Variants in SH2D3C observed in about 807,000 individuals in gnomAD.
SH2D3C encodes SH2 domain-containing protein 3C.
In SH2D3C, 25 loss-of-function variants were observed where a neutral mutation model predicts 75.2. The ratio of observed to expected loss-of-function variants is 0.33; its 90% CI spans 0.24 to 0.46. SH2D3C has a LOEUF of 0.46. SH2D3C is among the 20% of genes least tolerant of loss of function. The pLI is 1.00. For missense variants in SH2D3C, 933 were observed against 1,165.3 expected (o/e 0.80, Z 2.90); for synonymous variants, 450 against 473.7 (o/e 0.95, Z 0.65).
At chr9:127,766,123 C>T (rs548851767) in intron 2 of SH2D3C, among the ~76,000 whole-genome samples, 1 of 152,354 alleles carries the variant, frequency 6.6e-6, no homozygotes, top group South Asian at 2.1e-4. Flanking sequence ...TGACGTTCCC[C>T]CAGGGGCCCT....
In SH2D3C at chr9:127,749,366, G is replaced by C; in HGVS notation, c.984C>G (p.Leu328=). Residue 328 remains leucine, a synonymous_variant, in exon 5 of 12, where the codon CTC becomes CTG. Coordinates refer to ENST00000314830, the MANE Select transcript of SH2D3C (RefSeq NM_170600.3). The surrounding 1 kb of genome is among the most constrained non-coding windows in gnomAD (Gnocchi z 5.9). ...CCTGTCCCAGGCCATAGCTGGCCTC[G>C]AGGTAGCGCAGTGGGAAGGTGCGGT... The part of the protein sequence containing the change: ...PVNRTFPLRY[L]EASYGLGQGS... 4 of 1,613,842 alleles carry C rather than the reference G, an allele frequency of 2.5e-6. No homozygotes were observed. The highest frequency in any genetic ancestry group is 2.2e-5 in the South Asian group (2 of 91,082).
intron 2 of SH2D3C, among the ~76,000 whole-genome samples, chr9:127,765,112 G>A (rs189580934): frequency 2.4e-3 from 371 of 151,908 alleles, no homozygotes; most frequent in Admixed American, 3.9e-3. Context: ...TGGCTGGAGC[G>A]ATCCTCCCGT....
At chr9:127,743,452 G>A (rs34373988) in intron 7 of SH2D3C, among the ~76,000 whole-genome samples, 1 of 152,150 alleles carries the variant, frequency 6.6e-6, no homozygotes, top group Non-Finnish European at 1.5e-5. Flanking sequence ...GCAGTGAGCC[G>A]ATATCACGCC....
At chr9:127,764,524 A>G (rs1056849485) in intron 2 of SH2D3C, among the ~76,000 whole-genome samples, 1 of 152,146 alleles carries the variant, frequency 6.6e-6, no homozygotes, top group Non-Finnish European at 1.5e-5. Flanking sequence ...ACTCACAGTA[A>G]GAGCCAAGGT....
chr9:127,740,885 G>A (rs1419608789), intron 9 of SH2D3C, among the ~76,000 whole-genome samples: 2 of 152,178 alleles, frequency 1.3e-5, no homozygotes, highest in Non-Finnish European at 1.5e-5. Context: ...GTTTCACCAT[G>A]TTGGCCAAGA....
In SH2D3C at chr9:127,776,875, C is replaced by G. The variant is rs114604871; in HGVS notation, c.37+1716G>C. On this transcript the variant is annotated intron_variant, in intron 1 of 11. Transcript: ENST00000314830. The stretch of plus-strand genomic sequence containing the variant: ...TGCCTTGGTCTCCTGAGAAACGTGT[C>G]GGCAAATGTGGCCGCTCTGCTGCAT... 3.3e-3 allele frequency among the ~76,000 whole-genome samples: 497 copies of G among 152,246 alleles called. 4 individuals are homozygous for G. Among genetic ancestry groups the G allele is most frequent in the African/African-American group, 0.012 (481 of 41,556 alleles).
intron 3 of SH2D3C, among the ~76,000 whole-genome samples, chr9:127,758,177 T>A (rs1389109245): frequency 6.6e-6 from 1 of 152,084 alleles, no homozygotes; most frequent in Non-Finnish European, 1.5e-5. Context: ...TCTTGCTATG[T>A]TGCCCAGGCT....
chr9:127,755,286 T>C (rs1845345486), intron 3 of SH2D3C: 20 of 1,102,872 alleles, frequency 1.8e-5, no homozygotes, highest in Non-Finnish European at 2.2e-5. Context: ...CCTCATCGCC[T>C]TGTCGGGGGA....
At chr9:127,742,572 C>T (rs1377878656) in intron 8 of SH2D3C, 1 of 367,722 alleles carries the variant, frequency 2.7e-6, no homozygotes, top group African/African-American at 2.1e-5. Flanking sequence ...AAGGAGGAGC[C>T]CCAGCTGATG....
Position 127,749,176 on chromosome 9 carries a change from C to G in SH2D3C, c.1139+35G>C, listed in dbSNP as rs771746208. ...CTTTCTCACTAGCCCTCTCATTACC[C>G]ACAACCCCATTTGACAAATGGGGCC... On this transcript the variant is annotated intron_variant, in intron 5 of 11. Coordinates refer to ENST00000314830, the MANE Select transcript of SH2D3C (RefSeq NM_170600.3). The surrounding 1 kb of genome is among the most constrained non-coding windows in gnomAD (Gnocchi z 5.9). The G allele has an allele frequency of 6.8e-7, 1 of 1,473,606 alleles. No individual in the cohort carries two copies. The highest frequency in any genetic ancestry group is 1.4e-5 in the African/African-American group (1 of 71,516). 91.3% of individuals were successfully genotyped at this position (1,473,606 alleles called of 1,614,324 possible).
In SH2D3C at chr9:127,741,908, G is replaced by T; in HGVS notation, c.1968C>A (p.Gly656=). 1.9e-6 allele frequency: 3 copies of T among 1,613,080 alleles called. No homozygotes were observed. Among genetic ancestry groups the T allele is most frequent in the Non-Finnish European group, 1.7e-6 (2 of 1,179,964 alleles). Reference sequence around the variant, plus strand: ...GCAGCGCTGCCCGCTCCTCCGCAGAGCCGGTGCAGCCCAGGATGTCCACGG... The same window carrying T: ...GCAGCGCTGCCCGCTCCTCCGCAGATCCGGTGCAGCCCAGGATGTCCACGG... ...MLAVDILGCT[G]SAEERAALLH... Residue 656 remains glycine (G), a synonymous_variant, in exon 9 of 12, where the codon GGC becomes GGA. Coordinates refer to ENST00000314830, the MANE Select transcript of SH2D3C (RefSeq NM_170600.3).
chr9:127,773,459 C>G (rs564972800), intron 2 of SH2D3C, among the ~76,000 whole-genome samples: 1 of 152,230 alleles, frequency 6.6e-6, no homozygotes, highest in South Asian at 2.1e-4. Context: ...AATATGCACC[C>G]TGACTGAGGC....
chr9:127,767,315 G>A (rs1345289962), intron 2 of SH2D3C: 2 of 1,432,556 alleles, frequency 1.4e-6, no homozygotes, highest in African/African-American at 2.9e-5. Flanking sequence ...CTGAGTGCTA[G>A]TGGATGAGGG....
intron 8 of SH2D3C, 107 bp downstream of exon 8, chr9:127,742,742 C>T: frequency 1.3e-6 from 1 of 741,620 alleles, no homozygotes; most frequent in Non-Finnish European, 2.2e-6. Context: ...TGGCCAGAGC[C>T]CCCTGGGAGC....
chr9:127,772,024 A>G (rs1165109905), intron 2 of SH2D3C, among the ~76,000 whole-genome samples: 3 of 152,184 alleles, frequency 2.0e-5, no homozygotes, highest in Non-Finnish European at 2.9e-5. Flanking sequence ...AGATTTGTCC[A>G]GTCATGCAGC....
At chr9:127,768,596 C>T (rs1319736962) in intron 2 of SH2D3C, among the ~76,000 whole-genome samples, 1 of 152,180 alleles carries the variant, frequency 6.6e-6, no homozygotes, top group Non-Finnish European at 1.5e-5. Flanking sequence ...AAAAAAACAT[C>T]AAACACAGAA....
chr9:127,749,516 G>A lies in SH2D3C; in HGVS notation c.834C>T (p.Tyr278=). ...NKVVVKAGES[Y]THIQYLFEQE... ...GCTCAAACAGGTACTGGATGTGTGTGTAGCTCTCGCCTGCCTTCACCACCA... is the reference window on the plus strand; with the variant it reads ...GCTCAAACAGGTACTGGATGTGTGTATAGCTCTCGCCTGCCTTCACCACCA... Residue 278 remains tyrosine, a synonymous_variant, in exon 5 of 12, where the codon TAC becomes TAT. Coordinates refer to ENST00000314830, the MANE Select transcript of SH2D3C (RefSeq NM_170600.3). The surrounding 1 kb of genome is among the most constrained non-coding windows in gnomAD (Gnocchi z 5.9). The A allele has an allele frequency of 6.2e-7, 1 of 1,614,158 alleles. No homozygotes were observed.
In SH2D3C at chr9:127,751,341, CT is replaced by C. The variant is rs1390078565; in HGVS notation, c.556-42del. ...CAAGAGTTGGCATCCAACTTAAAGTCTCCTTCTTCTTTCCCTCCCAACTTCA... is the reference window on the plus strand; with the variant it reads ...CAAGAGTTGGCATCCAACTTAAAGTCCCTTCTTCTTTCCCTCCCAACTTCA... On this transcript the variant is annotated intron_variant, in intron 3 of 11. Coordinates refer to ENST00000314830, the MANE Select transcript of SH2D3C (RefSeq NM_170600.3). This position sits in a 1 kb window ranked among gnomAD's most constrained non-coding sequence, Gnocchi z 4.1. The C allele has an allele frequency of 6.2e-6, 10 of 1,601,904 alleles. No individual in the cohort carries two copies. The highest frequency in any genetic ancestry group is 8.5e-6 in the Non-Finnish European group (10 of 1,171,818).
chr9:127,739,053 A>G lies in SH2D3C; in HGVS notation c.2408-132T>C. The G allele has an allele frequency of 1.5e-6, 1 of 689,152 alleles. No homozygotes were observed. The highest frequency in any genetic ancestry group is 3.2e-5 in the East Asian group (1 of 31,352). The allele number at this position is 689,152 out of a possible 1,614,324, so 42.7% of individuals were successfully genotyped here. ...GATCCAACAAGGTTTGTGAATCAAC[A>G]CGACCCTGTAGTTTAGCATCTTTGT... On this transcript the variant is annotated intron_variant, in intron 11 of 11. Transcript: ENST00000314830. This position sits in a 1 kb window ranked among gnomAD's most constrained non-coding sequence, Gnocchi z 4.3.
Sources: gnomAD v4.1 joint callset for allele counts (sites outside exome capture counted in the v4.1 genomes callset) on GRCh38, gnomAD v4.1.1 for gene constraint, Gnocchi (gnomAD v3.1) non-coding constraint, MANE v1.5 for transcripts, NCBI Gene and HGNC (gene_info 2026-07-23, HGNC 2026-07-21) for gene names.